Variants in KCNQ4 observed in about 807,000 individuals in gnomAD.
The protein encoded by KCNQ4 is potassium voltage-gated channel subfamily Q member 4.
A neutral mutation model predicts 72.6 loss-of-function variants in KCNQ4; 31 were observed. That is an observed-to-expected ratio of 0.43 (90% CI 0.32 to 0.58). KCNQ4 has a LOEUF of 0.58. KCNQ4 is among the 20% of genes least tolerant of loss of function. The probability of loss-of-function intolerance (pLI) is 0.08; values close to 1 mark genes in which losing one functional copy is unlikely to be tolerated. For missense variants in KCNQ4, 869 were observed against 962.6 expected, an observed-to-expected ratio of 0.90 and a Z score of 1.29; for synonymous variants, 405 against 403.7, an observed-to-expected ratio of 1.00 and a Z score of -0.04.
chr1:40,834,874 G>A, intron 11 of KCNQ4, 93 bp from the exon 12 acceptor site: 1 of 1,548,688 alleles, frequency 6.5e-7, no homozygotes, highest in South Asian at 1.1e-5. Context: ...GTGCCCTGGT[G>A]CTGGACAAGG....
chr1:40,796,532 T>C (rs935760945), intron 1 of KCNQ4, among the ~76,000 whole-genome samples: 2 of 152,200 alleles, frequency 1.3e-5, no homozygotes, highest in Non-Finnish European at 2.9e-5. Flanking sequence ...AGTCTAGCTC[T>C]ATAGGCTGTG....
chr1:40,822,462 A>G (rs1648334045), intron 8 of KCNQ4, 60 bp downstream of exon 8: 19 of 1,371,624 alleles, frequency 1.4e-5, no homozygotes, highest in Non-Finnish European at 1.8e-5. Flanking sequence ...TTTGAGGACA[A>G]GTGGCTGAGA....
chr1:40,802,970 C>T lies in KCNQ4; in HGVS notation c.315-14295C>T, dbSNP rs74674834. 1.2e-4 allele frequency among the ~76,000 whole-genome samples: 19 copies of T among 152,292 alleles called. No individual in the cohort carries two copies. The East Asian group carries it at 3.1e-3, about 25-fold the overall frequency. On this transcript the variant is annotated intron_variant, in intron 1 of 13. Coordinates refer to ENST00000347132, the MANE Select transcript of KCNQ4 (RefSeq NM_004700.4). ...TGAGATACATTTAGGGACTGTCTGCCTCATTTAGAAGAGGAGGGGGCATCA... is the reference window on the plus strand; with the variant it reads ...TGAGATACATTTAGGGACTGTCTGCTTCATTTAGAAGAGGAGGGGGCATCA...
rs559543729 is a variant in KCNQ4 at position 40,824,157 on chromosome 1, G to A, written c.1191G>A (p.Leu397=). 1.8e-5 allele frequency: 29 copies of A among 1,569,926 alleles called. No individual in the cohort carries two copies. The highest frequency in any genetic ancestry group is 3.5e-4 in the Middle Eastern group (2 of 5,742). The part of the protein sequence containing the change: ...QRARNGGLRP[L]EVRRAPVPDG... ...CCCGCAATGGGGGCCTACGGCCCCTGGAGGTGCGGCGGGCGCCGGTACCCG... is the reference window on the plus strand; with the variant it reads ...CCCGCAATGGGGGCCTACGGCCCCTAGAGGTGCGGCGGGCGCCGGTACCCG... The change falls in exon 9 of 14, where the codon CTG becomes CTA. Residue 397 remains leucine (L), a synonymous_variant. Transcript: ENST00000347132.
chr1:40,824,144 G>T lies in KCNQ4; in HGVS notation c.1178G>T (p.Gly393Val), dbSNP rs1648399342. The T allele has an allele frequency of 3.8e-6, 6 of 1,565,806 alleles. No individual in the cohort carries two copies. In the South Asian group the frequency reaches 4.7e-5, roughly 12 times the overall value. Residue 393 changes from glycine to valine, a missense_variant, in exon 9 of 14, where the codon GGC becomes GTC. Transcript: ENST00000347132. ...CACGTGCAACGGGCCCGCAATGGGG[G>T]CCTACGGCCCCTGGAGGTGCGGCGG... The part of the protein sequence containing the change: ...FEHVQRARNG[G>V]LRPLEVRRAP...
chr1:40,810,004 G>A (rs1007643939), intron 1 of KCNQ4, among the ~76,000 whole-genome samples: 3 of 151,758 alleles, frequency 2.0e-5, no homozygotes, highest in South Asian at 4.2e-4. Context: ...GGCGGAGGTT[G>A]CAGTGAGCCA....
chr1:40,820,673 TGAA>T (rs1371788094), intron 7 of KCNQ4, among the ~76,000 whole-genome samples: 1 of 152,038 alleles, frequency 6.6e-6, no homozygotes, highest in African/African-American at 2.4e-5. Flanking sequence ...CTCACACAAA[TGAA>T]GAGAGGATGG....
intron 10 of KCNQ4, among the ~76,000 whole-genome samples, chr1:40,832,231 G>A (rs968095367): frequency 9.9e-5 from 15 of 152,202 alleles, no homozygotes; most frequent in Non-Finnish European, 1.5e-4. Flanking sequence ...CACAAGGATG[G>A]GGGATGGGGA....
chr1:40,823,527 A>C (rs567660101), intron 8 of KCNQ4, among the ~76,000 whole-genome samples: 1 of 152,292 alleles, frequency 6.6e-6, no homozygotes, highest in East Asian at 1.9e-4. Context: ...CCTGGACCTT[A>C]GTTTGGTCAT....
chr1:40,795,924 G>A (rs988843854), intron 1 of KCNQ4, among the ~76,000 whole-genome samples: 4 of 152,114 alleles, frequency 2.6e-5, no homozygotes, highest in Non-Finnish European at 5.9e-5. Context: ...TTTTCACACT[G>A]CTTCATTTAA....
intron 1 of KCNQ4, among the ~76,000 whole-genome samples, chr1:40,803,715 C>A (rs1647651835): frequency 6.6e-6 from 1 of 152,218 alleles, no homozygotes; most frequent in Non-Finnish European, 1.5e-5. Context: ...TCTGGCTGGT[C>A]CTGGATTTGG....
chr1:40,821,146 G>A (rs1433334252), intron 7 of KCNQ4, among the ~76,000 whole-genome samples: 1 of 152,186 alleles, frequency 6.6e-6, no homozygotes, highest in East Asian at 1.9e-4. Context: ...TGTCCCCTGG[G>A]AGCTGGCCTT....
intron 9 of KCNQ4, among the ~76,000 whole-genome samples, chr1:40,830,415 C>T (rs1016254999): frequency 5.3e-5 from 8 of 152,142 alleles, no homozygotes; most frequent in African/African-American, 9.7e-5. Context: ...CACAGCTGTA[C>T]GAGGCCCTAA....
At chr1:40,833,734 T>A (rs1648726293) in intron 11 of KCNQ4, among the ~76,000 whole-genome samples, 1 of 151,144 alleles carries the variant, frequency 6.6e-6, no homozygotes, top group South Asian at 2.1e-4. Flanking sequence ...TGGTGGCTCA[T>A]GCCTGTAATC....
Position 40,818,630 on chromosome 1 carries a change from C to T in KCNQ4, c.658C>T (p.Arg220Cys). The change falls in exon 4 of 14, where the codon CGC (arginine) becomes TGC (cysteine). Residue 220 changes from arginine to cysteine, a missense_variant. Arg to Cys is a radical substitution (Grantham distance 180). Coordinates refer to ENST00000347132, the MANE Select transcript of KCNQ4 (RefSeq NM_004700.4). Reference sequence around the variant, plus strand: ...CCTGCGCATGGTGCGCATGGACCGCCGCGGCGGCACCTGGAAGCTGCTGGG... The same window carrying T: ...CCTGCGCATGGTGCGCATGGACCGCTGCGGCGGCACCTGGAAGCTGCTGGG... ...QILRMVRMDR[R>C]GGTWKLLGSV... is the part of the protein sequence containing the mutation. 1 of 1,606,758 alleles carries T rather than the reference C, an allele frequency of 6.2e-7. No homozygotes were observed. Among genetic ancestry groups the T allele is most frequent in the Non-Finnish European group, 8.5e-7 (1 of 1,179,452 alleles).
intron 1 of KCNQ4, among the ~76,000 whole-genome samples, chr1:40,816,195 C>T (rs966002339): frequency 2.6e-5 from 4 of 152,152 alleles, no homozygotes; most frequent in Non-Finnish European, 4.4e-5. Flanking sequence ...CGGGTCAGTA[C>T]ACAGAGATGT....
intron 1 of KCNQ4, among the ~76,000 whole-genome samples, chr1:40,808,304 TG>T (rs1317709455): frequency 1.3e-5 from 2 of 152,130 alleles, no homozygotes; most frequent in Non-Finnish European, 2.9e-5. Flanking sequence ...TCACACAGGC[TG>T]CTTCCTACTG....
In KCNQ4 at chr1:40,838,863, C is replaced by A; in HGVS notation, c.*340C>A. On this transcript the variant is annotated 3_prime_UTR_variant, in exon 14 of 14. Transcript: ENST00000347132. ...GGGAGTGGGAGCGGGCGCTGGGGCC[C>A]TGGGCCCTGACCCAGCTTCCAGCTA... 2.4e-6 allele frequency: 1 copy of A among 419,392 alleles called. No homozygotes were observed. Among genetic ancestry groups the A allele is most frequent in the Non-Finnish European group, 4.5e-6 (1 of 224,066 alleles). The allele number at this position is 419,392 out of a possible 1,614,324, so 26.0% of individuals were successfully genotyped here.
At chr1:40,820,599 A>G (rs1171844529) in intron 7 of KCNQ4, among the ~76,000 whole-genome samples, 1 of 152,228 alleles carries the variant, frequency 6.6e-6, no homozygotes, top group Non-Finnish European at 1.5e-5. Context: ...TGCCCCCATC[A>G]GCTGTGCAGC....
Sources: allele counts gnomAD v4.1 joint callset (sites outside exome capture counted in the v4.1 genomes callset), GRCh38; gene constraint gnomAD v4.1.1; transcripts MANE v1.5; gene names NCBI Gene and HGNC (gene_info 2026-07-23, HGNC 2026-07-21).